The following KCNG3 variants were observed in gnomAD, a reference collection of about 807,000 sequenced individuals.
KCNG3 encodes the protein potassium voltage-gated channel modifier subfamily G member 3.
KCNG3 carries 15 observed loss-of-function variants against 29.0 expected under a neutral mutation model. The observed-to-expected ratio is 0.52, with a 90% confidence interval of 0.35 to 0.80. The LOEUF is 0.80. Ranked by LOEUF, KCNG3 falls within the 30% of genes least tolerant of loss-of-function variation. The pLI, the probability that KCNG3 is intolerant of heterozygous loss-of-function variation, is 0.01. For synonymous variants in KCNG3, 322 were observed against 248.9 expected, an observed-to-expected ratio of 1.29 and a Z score of -2.76; for missense variants, 512 against 605.7, an observed-to-expected ratio of 0.85 and a Z score of 1.62.
intron 1 of KCNG3, among the ~76,000 whole-genome samples, chr2:42,448,080 T>C (rs1374301747): frequency 6.6e-6 from 1 of 152,186 alleles, no homozygotes; most frequent in Non-Finnish European, 1.5e-5. Context: ...CTCTGAGAGA[T>C]GAAAAGTGCT....
intron 1 of KCNG3, among the ~76,000 whole-genome samples, chr2:42,485,511 C>T (rs939581116): frequency 6.6e-6 from 1 of 151,506 alleles, no homozygotes; most frequent in African/African-American, 2.4e-5. Flanking sequence ...GTAGTGTTAT[C>T]TCGGCTCACC....
At chr2:42,480,967 G>C (rs923820632) in intron 1 of KCNG3, among the ~76,000 whole-genome samples, 2 of 152,042 alleles carry the variant, frequency 1.3e-5, no homozygotes, top group South Asian at 2.1e-4. Flanking sequence ...TTTTAGTAGA[G>C]ACAGGGTTTC....
Position 42,493,438 on chromosome 2 carries a change from G to T in KCNG3, c.64C>A (p.Leu22Met), listed in dbSNP as rs1415464878. 9.5e-6 allele frequency: 14 copies of T among 1,472,950 alleles called. No homozygotes were observed. The highest frequency in any genetic ancestry group is 2.9e-5 in the African/African-American group (2 of 70,032). 91.2% of individuals were successfully genotyped at this position (1,472,950 alleles called of 1,614,324 possible). ...AAGTCCTTCAGCAGCTCCCGGGACAGCGAATACCGGGCGCCGCCCACGTTC... is the reference window on the plus strand; with the variant it reads ...AAGTCCTTCAGCAGCTCCCGGGACATCGAATACCGGGCGCCGCCCACGTTC... ...VLNVGGARYS[L>M]SRELLKDFPL... Residue 22 changes from leucine (L) to methionine (M), a missense_variant, in exon 1 of 2, where the codon CTG (leucine) becomes ATG (methionine). Leu to Met is a conservative substitution (Grantham distance 15, BLOSUM62 2). Transcript: ENST00000306078.
At chr2:42,393,263 TA>T in the KCNG3 span, among the ~76,000 whole-genome samples, 13,717 of 142,920 alleles carry the variant, frequency 0.096, 728 homozygotes, top group South Asian at 0.26. Context: ...TCTCTTACAT[TA>T]AAAAAAAAAA....
At chr2:42,447,258 A>T (rs1039357189) in intron 1 of KCNG3, among the ~76,000 whole-genome samples, 1 of 151,424 alleles carries the variant, frequency 6.6e-6, no homozygotes, top group East Asian at 1.9e-4. Context: ...GTGTATATAT[A>T]TGTACATACA....
the KCNG3 span, among the ~76,000 whole-genome samples, chr2:42,394,470 G>A: frequency 6.6e-6 from 1 of 152,106 alleles, no homozygotes. Context: ...CTAGACCCTT[G>A]TCACACCTAC....
chr2:42,489,214 C>A (rs993770426), intron 1 of KCNG3, among the ~76,000 whole-genome samples: 3 of 151,888 alleles, frequency 2.0e-5, no homozygotes, highest in Non-Finnish European at 4.4e-5. Context: ...GCCTGTGAGA[C>A]CCCATGTCTA....
At chr2:42,436,648 C>T in the KCNG3 span, among the ~76,000 whole-genome samples, 2 of 152,112 alleles carry the variant, frequency 1.3e-5, no homozygotes, top group Admixed American at 6.6e-5. Context: ...CAGTGTGAGT[C>T]GCAAATACAG....
intron 1 of KCNG3, among the ~76,000 whole-genome samples, chr2:42,452,683 T>C (rs1672789932): frequency 6.6e-6 from 1 of 152,190 alleles, no homozygotes; most frequent in African/African-American, 2.4e-5. Flanking sequence ...TTCCATGTTG[T>C]TGCAAATGGC....
chr2:42,414,061 A>T, the KCNG3 span, among the ~76,000 whole-genome samples: 1 of 152,202 alleles, frequency 6.6e-6, no homozygotes, highest in Admixed American at 6.5e-5. Context: ...CTAGAATGTA[A>T]TTATCAGCTT....
At chr2:42,404,407 C>G in the KCNG3 span, among the ~76,000 whole-genome samples, 2 of 152,018 alleles carry the variant, frequency 1.3e-5, no homozygotes, top group Non-Finnish European at 2.9e-5. Context: ...CTAGAGCTGT[C>G]GAGAAGAGCT....
At chr2:42,470,659 G>C (rs1196414722) in intron 1 of KCNG3, among the ~76,000 whole-genome samples, 1 of 152,094 alleles carries the variant, frequency 6.6e-6, no homozygotes, top group Non-Finnish European at 1.5e-5. Context: ...CAGATAGCTT[G>C]AGCCCAGGAG....
rs112686694 is a variant in KCNG3, at chr2:42,460,970, G to A, written c.666-16391C>T. 6.6e-5 allele frequency among the ~76,000 whole-genome samples: 10 copies of A among 152,058 alleles called. No homozygotes were observed. In the East Asian group the frequency reaches 9.7e-4, roughly 15 times the overall value. ...AGGTCAGGAGATTAAGACCACCCTG[G>A]CTAACGTGGTGAAACCCCGTCTCTA... On this transcript the variant is annotated intron_variant, in intron 1 of 1. Transcript: ENST00000306078.
intron 1 of KCNG3, among the ~76,000 whole-genome samples, chr2:42,477,396 C>CATAT (rs1558386634): frequency 8.3e-4 from 37 of 44,718 alleles, no homozygotes; most frequent in Non-Finnish European, 1.6e-3. Flanking sequence ...TATACACACA[C>CATAT]ACACACACAC....
At chr2:42,420,764 TGGGTAA>T in the KCNG3 span, among the ~76,000 whole-genome samples, 1 of 151,644 alleles carries the variant, frequency 6.6e-6, no homozygotes, top group Non-Finnish European at 1.5e-5. Context: ...CACTCCAGAC[TGGGTAA>T]CAAGAGCAAA....
chr2:42,464,964 GA>G (rs1459795067), intron 1 of KCNG3, among the ~76,000 whole-genome samples: 2 of 152,128 alleles, frequency 1.3e-5, no homozygotes, highest in Non-Finnish European at 2.9e-5. Flanking sequence ...TAGGTACCCA[GA>G]AAATACGTTG....
the KCNG3 span, among the ~76,000 whole-genome samples, chr2:42,423,628 G>T: frequency 6.6e-6 from 1 of 152,146 alleles, no homozygotes; most frequent in South Asian, 2.1e-4. Context: ...AGCCTTCCTT[G>T]ACTCCTGAAC....
intron 1 of KCNG3, among the ~76,000 whole-genome samples, chr2:42,446,653 A>T (rs1366240031): frequency 6.6e-6 from 1 of 152,206 alleles, no homozygotes; most frequent in Non-Finnish European, 1.5e-5. Flanking sequence ...GAAAAGAATT[A>T]CTCAAAGTGC....
the KCNG3 span, among the ~76,000 whole-genome samples, chr2:42,410,377 G>A: frequency 3.8e-4 from 57 of 151,980 alleles, no homozygotes; most frequent in African/African-American, 1.1e-3. Context: ...GACAAAAATT[G>A]TCAAATTGAA....
Sources: allele counts gnomAD v4.1 joint callset (sites outside exome capture counted in the v4.1 genomes callset), GRCh38; gene constraint gnomAD v4.1.1; transcripts MANE v1.5; gene names NCBI Gene and HGNC (gene_info 2026-07-23, HGNC 2026-07-21).